HECW1: variants seen among roughly 807,000 people sequenced by gnomAD.
The protein encoded by HECW1 is HECT, C2 and WW domain containing E3 ubiquitin protein ligase 1, also known as E3 ubiquitin-protein ligase HECW1.
In HECW1, 61 loss-of-function variants were observed where a neutral mutation model predicts 182.3. That is an observed-to-expected ratio of 0.33 (90% CI 0.27 to 0.41). The LOEUF is 0.41. Among genes scored for constraint, HECW1 ranks in the 10% least tolerant of loss-of-function variants. HECW1 has a pLI of 1.00. For missense variants in HECW1, 1,739 were observed against 2,108.9 expected, an observed-to-expected ratio of 0.82 and a Z score of 3.44; for synonymous variants, 859 against 832.6, an observed-to-expected ratio of 1.03 and a Z score of -0.55.
rs1348194133 is a variant in HECW1 at position 43,552,284 on chromosome 7, C to T, written c.4458C>T (p.Gly1486=). Residue 1486 remains glycine (G), a synonymous_variant, in exon 28 of 30, where the codon GGC becomes GGT. Transcript: ENST00000395891. ...DARELELVIA[G]TAEIDLNDWR... is the part of the protein sequence containing the mutation. ...GGGAGCTGGAGCTGGTGATAGCTGG[C>T]ACCGCGGAAATCGACCTAAATGACT... 2 of 1,613,898 alleles carry T rather than the reference C, an allele frequency of 1.2e-6. No individual in the cohort carries two copies. The highest frequency in any genetic ancestry group is 2.7e-5 in the African/African-American group (2 of 74,886).
rs568067849 is a variant in HECW1 at position 43,236,467 on chromosome 7, T to C, written c.-31-7408T>C. Among the ~76,000 whole-genome samples, 556 of 152,286 alleles carry C rather than the reference T, an allele frequency of 3.7e-3. 3 individuals carry two copies. Among genetic ancestry groups the C allele is most frequent in the African/African-American group, 0.012 (505 of 41,540 alleles). On this transcript the variant is annotated intron_variant, in intron 2 of 29. Transcript: ENST00000395891. ...GCCCAAGGTGGTTGGGGTACAGCTT[T>C]CTTTTGTACATTTTAGGGAGACATG... is the stretch of plus-strand genomic sequence containing the variant.
At chr7:43,396,675 T>C (rs2075242972) in intron 6 of HECW1, 139 bp from the exon 7 acceptor site, 1 of 614,030 alleles carries the variant, frequency 1.6e-6, no homozygotes. Flanking sequence ...GTTGTTTTAA[T>C]CAATAGTTGC....
At chr7:43,196,959 T>C (rs910047130) in intron 2 of HECW1, among the ~76,000 whole-genome samples, 4 of 152,146 alleles carry the variant, frequency 2.6e-5, no homozygotes, top group South Asian at 2.1e-4. Context: ...ATCATATTCA[T>C]TTCATAAAAG....
At chr7:43,355,925 G>T (rs1264307575) in intron 5 of HECW1, among the ~76,000 whole-genome samples, 1 of 152,088 alleles carries the variant, frequency 6.6e-6, no homozygotes, top group African/African-American at 2.4e-5. Flanking sequence ...GGAGGCGGAG[G>T]TTGCAGTGAG....
chr7:43,544,655 G>A (rs1480828588), intron 26 of HECW1, among the ~76,000 whole-genome samples: 3 of 152,102 alleles, frequency 2.0e-5, no homozygotes, highest in Non-Finnish European at 4.4e-5. Context: ...AATATATTAG[G>A]ATCTTCATCA....
chr7:43,242,788 C>T (rs1799004410), intron 2 of HECW1, among the ~76,000 whole-genome samples: 1 of 152,168 alleles, frequency 6.6e-6, no homozygotes, highest in South Asian at 2.1e-4. Flanking sequence ...GCCTGAGAAC[C>T]ATCCAGGAAG....
intron 2 of HECW1, among the ~76,000 whole-genome samples, chr7:43,170,496 T>A (rs1791574880): frequency 6.6e-6 from 1 of 152,056 alleles, no homozygotes; most frequent in Non-Finnish European, 1.5e-5. Flanking sequence ...AAGAAACCCA[T>A]GCAAATTAGC....
At chr7:43,302,482 C>A (rs1806952097) in intron 3 of HECW1, among the ~76,000 whole-genome samples, 1 of 152,220 alleles carries the variant, frequency 6.6e-6, no homozygotes, top group Non-Finnish European at 1.5e-5. Context: ...TGTAGCCAAG[C>A]AGGTGGTGGT....
rs537367893 is a variant in HECW1, at chr7:43,254,539, T to C, written c.27+10607T>C. On this transcript the variant is annotated intron_variant, in intron 3 of 29. Transcript: ENST00000395891. ...TGTCAAGGAGTTCAGGAGAATGTACTGGAAAACACACAAATCAAACATTAA... is the reference window on the plus strand; with the variant it reads ...TGTCAAGGAGTTCAGGAGAATGTACCGGAAAACACACAAATCAAACATTAA... Among the ~76,000 whole-genome samples the C allele has an allele frequency of 3.3e-5, 5 of 152,342 alleles. No individual in the cohort carries two copies. The South Asian group carries it at 1.0e-3, about 32-fold the overall frequency.
At chr7:43,456,585 C>T in intron 13 of HECW1, 138 bp downstream of exon 13, 1 of 757,772 alleles carries the variant, frequency 1.3e-6, no homozygotes, top group East Asian at 3.2e-5. Context: ...GAAACCTGTT[C>T]CTAGTAGGTA....
rs2078342317 is a variant in HECW1, at chr7:43,479,524, G to C, written c.3100-86G>C. The C allele has an allele frequency of 2.0e-6, 3 of 1,493,516 alleles. No individual in the cohort carries two copies. The Admixed American group carries it at 5.2e-5, about 26-fold the overall frequency. 92.5% of individuals were successfully genotyped at this position (1,493,516 alleles called of 1,614,324 possible). A position where few individuals can be genotyped will look rare whatever the true frequency, so the allele number is the denominator to read the frequency against. On this transcript the variant is annotated intron_variant, in intron 16 of 29. Transcript: ENST00000395891. ...GGGCAGAAATAAACCTGAGGCCTGG[G>C]CCCTGTAGCACTCCTGTATATTACT...
chr7:43,370,883 A>G (rs1817254622), intron 6 of HECW1, among the ~76,000 whole-genome samples: 1 of 151,280 alleles, frequency 6.6e-6, no homozygotes, highest in African/African-American at 2.4e-5. Context: ...TAGGGCAATG[A>G]TATTCTTTTT....
chr7:43,440,076 T>C (rs3735075), intron 9 of HECW1: 40,697 of 140,526 alleles, frequency 0.29, 5,468 homozygotes, highest in South Asian at 0.34. Flanking sequence ...TCCGGAGGTG[T>C]CCCACCGTGG....
In HECW1 at chr7:43,500,578, T is replaced by C. The variant is rs1055255869; in HGVS notation, c.3438-121T>C. ...CAAACTTAGAATTCTGCAAAATACA[T>C]AGGACGTTAGGACATTGCTATTCAG... On this transcript the variant is annotated intron_variant, in intron 19 of 29. Transcript: ENST00000395891. 2.2e-5 allele frequency: 18 copies of C among 805,146 alleles called. No individual in the cohort carries two copies. In the East Asian group the frequency reaches 2.5e-4, roughly 11 times the overall value. The allele number at this position is 805,146 out of a possible 1,614,324, so 49.9% of individuals were successfully genotyped here.
At chr7:43,491,000 G>A (rs1047546039) in intron 17 of HECW1, among the ~76,000 whole-genome samples, 8 of 152,148 alleles carry the variant, frequency 5.3e-5, no homozygotes, top group Admixed American at 3.3e-4. Context: ...TGATCCACCT[G>A]CCTCAGCCTC....
chr7:43,231,537 C>G (rs1165665548), intron 2 of HECW1, among the ~76,000 whole-genome samples: 1 of 152,170 alleles, frequency 6.6e-6, no homozygotes, highest in Non-Finnish European at 1.5e-5. Flanking sequence ...ATAGTAGATT[C>G]AAGGTGACTA....
chr7:43,405,225 T>C (rs1304696624), intron 7 of HECW1, among the ~76,000 whole-genome samples: 2 of 152,022 alleles, frequency 1.3e-5, no homozygotes, highest in East Asian at 1.9e-4. Context: ...GTGGAGGCAA[T>C]GGTAGTCACT....
chr7:43,286,311 T>C (rs1044242163), intron 3 of HECW1, among the ~76,000 whole-genome samples: 1 of 152,168 alleles, frequency 6.6e-6, no homozygotes, highest in African/African-American at 2.4e-5. Flanking sequence ...CCAGTGATAA[T>C]GCCATCAAGA....
intron 17 of HECW1, among the ~76,000 whole-genome samples, chr7:43,487,150 T>TA (rs1223311355): frequency 1.3e-5 from 2 of 152,228 alleles, no homozygotes; most frequent in Non-Finnish European, 2.9e-5. Context: ...CATTTTTTTT[T>TA]ATCAAGTCTC....
Sources: gnomAD v4.1 joint callset for allele counts (sites outside exome capture counted in the v4.1 genomes callset) on GRCh38, gnomAD v4.1.1 for gene constraint, MANE v1.5 for transcripts, NCBI Gene and HGNC (gene_info 2026-07-23, HGNC 2026-07-21) for gene names.